The following RGMA variants were observed in gnomAD, a reference collection of about 807,000 sequenced individuals.
The protein encoded by RGMA is repulsive guidance molecule A.
A neutral mutation model predicts 23.2 loss-of-function variants in RGMA; 10 were observed. The ratio of observed to expected loss-of-function variants is 0.43; its 90% CI spans 0.27 to 0.73. The LOEUF is 0.73. Among genes scored for constraint, RGMA ranks in the 30% least tolerant of loss-of-function variants. RGMA has a pLI of 0.20. For missense variants in RGMA, 547 were observed against 630.5 expected, an observed-to-expected ratio of 0.87 and a Z score of 1.42; for synonymous variants, 308 against 279.3, an observed-to-expected ratio of 1.10 and a Z score of -1.03.
At chr15:93,064,623 G>A (rs1895080569) in intron 2 of RGMA, among the ~76,000 whole-genome samples, 1 of 152,262 alleles carries the variant, frequency 6.6e-6, no homozygotes, top group Non-Finnish European at 1.5e-5. Flanking sequence ...GGGAGCAACT[G>A]GGCTTCCTTC....
At position 93,042,363 on chromosome 15, in the gene RGMA, C is replaced by G. The variant is rs2141782073; in HGVS notation, c.*2635G>C. 6.6e-6 allele frequency: 1 copy of G among 152,208 alleles called. No homozygotes were observed. Among genetic ancestry groups the G allele is most frequent in the African/African-American group, 2.4e-5 (1 of 41,492 alleles). The allele number at this position is 152,208 out of a possible 1,614,324, so 9.4% of individuals were successfully genotyped here. On this transcript the variant is annotated 3_prime_UTR_variant, in exon 4 of 4. Coordinates refer to ENST00000329082, the MANE Select transcript of RGMA (RefSeq NM_020211.3). Reference sequence around the variant, plus strand: ...TTTGGGATAATACCACCCCCTCCCTCCCCACGACCAGACAAGCCATGTGTG... The same window carrying G: ...TTTGGGATAATACCACCCCCTCCCTGCCCACGACCAGACAAGCCATGTGTG...
chr15:93,054,573 T>C (rs2054982713), intron 2 of RGMA, among the ~76,000 whole-genome samples: 1 of 152,226 alleles, frequency 6.6e-6, no homozygotes, highest in Non-Finnish European at 1.5e-5. Context: ...GTGCCTTTGC[T>C]TCTCCTTTGC....
At chr15:93,075,102 T>G (rs1241648198) in intron 1 of RGMA, among the ~76,000 whole-genome samples, 1 of 151,812 alleles carries the variant, frequency 6.6e-6, no homozygotes, top group African/African-American at 2.4e-5. Flanking sequence ...GGACTTTTTT[T>G]TTTTTTTTCA....
At chr15:93,047,071 TCA>T (rs753366488) in intron 3 of RGMA, among the ~76,000 whole-genome samples, 10 of 152,126 alleles carry the variant, frequency 6.6e-5, no homozygotes, top group Non-Finnish European at 1.2e-4. Flanking sequence ...TTGCCTAAGG[TCA>T]CACAGCCAGC....
At position 93,036,118 on chromosome 15, in the gene RGMA, C is replaced by G. The variant is rs774914960; in HGVS notation, c.*8880G>C. The G allele has an allele frequency of 2.0e-5, 3 of 152,258 alleles. No homozygotes were observed. Among genetic ancestry groups the G allele is most frequent in the African/African-American group, 7.2e-5 (3 of 41,446 alleles). The allele number at this position is 152,258 out of a possible 1,614,324, so 9.4% of individuals were successfully genotyped here. A position where few individuals can be genotyped will look rare whatever the true frequency, so the allele number is the denominator to read the frequency against. ...CATGTGACTCGGTTAGTGTCTGTCT[C>G]TCACCACTAGAGGTCAGTCCCGTGA... is the stretch of plus-strand genomic sequence containing the variant. On this transcript the variant is annotated 3_prime_UTR_variant, in exon 4 of 4. Transcript: ENST00000329082.
At chr15:93,064,927 G>A (rs970687706) in intron 2 of RGMA, among the ~76,000 whole-genome samples, 1 of 151,930 alleles carries the variant, frequency 6.6e-6, no homozygotes, top group Non-Finnish European at 1.5e-5. Flanking sequence ...TTCTTGTTCC[G>A]CATCTCAAGC....
rs1037578804 is a variant in RGMA at position 93,088,617 on chromosome 15, A to T, written c.14+302T>A. On this transcript the variant is annotated intron_variant, in intron 1 of 3. Transcript: ENST00000329082. ...GGGCTCCGCGAGCCGGGCTGAGGGA[A>T]GGAGCTCCCAGCCCGCACACGGTGT... 229 of 1,000,138 alleles carry T rather than the reference A, an allele frequency of 2.3e-4. 2 individuals are homozygous for T. Among genetic ancestry groups the T allele is most frequent in the Admixed American group, 5.3e-5 (1 of 18,820 alleles). 62.0% of individuals were successfully genotyped at this position (1,000,138 alleles called of 1,614,324 possible).
At chr15:93,057,572 T>C (rs919667999) in intron 2 of RGMA, among the ~76,000 whole-genome samples, 1 of 152,136 alleles carries the variant, frequency 6.6e-6, no homozygotes, top group Non-Finnish European at 1.5e-5. Context: ...CGTCTGTTGC[T>C]TAAGCCTCCT....
intron 1 of RGMA, chr15:93,073,591 T>C (rs1895412915): frequency 2.6e-6 from 4 of 1,535,812 alleles, no homozygotes; most frequent in Non-Finnish European, 3.5e-6. Context: ...GACCCCAAGC[T>C]TCCACCGACG....
intron 2 of RGMA, among the ~76,000 whole-genome samples, chr15:93,055,813 C>T (rs2055004603): frequency 1.3e-5 from 2 of 152,200 alleles, no homozygotes; most frequent in Admixed American, 6.5e-5. Flanking sequence ...GTGGCTCTAC[C>T]CTCCAAATGG....
rs930232732 is a variant in RGMA, at chr15:93,041,004, G to C, written c.*3994C>G. On this transcript the variant is annotated 3_prime_UTR_variant, in exon 4 of 4. Coordinates refer to ENST00000329082, the MANE Select transcript of RGMA (RefSeq NM_020211.3). ...ACACAGCTCGCGACGGGTTGAGCCA[G>C]TTTTGACGCCAAGTTTGCCTGCAGC... 1 of 152,212 alleles carries C rather than the reference G, an allele frequency of 6.6e-6. No homozygotes were observed. The highest frequency in any genetic ancestry group is 2.4e-5 in the African/African-American group (1 of 41,426). The allele number at this position is 152,212 out of a possible 1,614,324, so 9.4% of individuals were successfully genotyped here. A position where few individuals can be genotyped will look rare whatever the true frequency, so the allele number is the denominator to read the frequency against.
intron 2 of RGMA, among the ~76,000 whole-genome samples, chr15:93,069,926 C>T (rs1341537080): frequency 6.6e-6 from 1 of 152,222 alleles, no homozygotes; most frequent in Non-Finnish European, 1.5e-5. Context: ...GTTTAAAAAG[C>T]CATCTATTAG....
chr15:93,051,980 C>G lies in RGMA; in HGVS notation c.645+13G>C. On this transcript the variant is annotated intron_variant, in intron 3 of 3. Transcript: ENST00000329082. ...GGCAGGGCTGTGCCCTACAGCCGCCCCCTCCCCCTTACCTTGCTGGTGGCA... is the reference window on the plus strand; with the variant it reads ...GGCAGGGCTGTGCCCTACAGCCGCCGCCTCCCCCTTACCTTGCTGGTGGCA... 1 of 1,583,246 alleles carries G rather than the reference C, an allele frequency of 6.3e-7. No individual in the cohort carries two copies. Among genetic ancestry groups the G allele is most frequent in the Non-Finnish European group, 8.6e-7 (1 of 1,166,904 alleles).
intron 2 of RGMA, among the ~76,000 whole-genome samples, chr15:93,058,686 C>G (rs1410242941): frequency 6.6e-6 from 1 of 152,108 alleles, no homozygotes; most frequent in East Asian, 1.9e-4. Context: ...CCACCCCACC[C>G]TCAGGTACCC....
chr15:93,077,472 C>T (rs1417231155), intron 1 of RGMA, among the ~76,000 whole-genome samples: 1 of 152,228 alleles, frequency 6.6e-6, no homozygotes, highest in East Asian at 1.9e-4. Flanking sequence ...AGACCCAGGT[C>T]TGTCAGTTTC....
chr15:93,044,759 G>A lies in RGMA; in HGVS notation c.*239C>T. On this transcript the variant is annotated 3_prime_UTR_variant, in exon 4 of 4. Transcript: ENST00000329082. ...TCACACTGCAGGGGCGGGGCGAGGG[G>A]AGCTGCTCTCCCTCTCACACAGCTC... is the stretch of plus-strand genomic sequence containing the variant. The A allele has an allele frequency of 1.7e-6, 1 of 572,648 alleles. No homozygotes were observed. The highest frequency in any genetic ancestry group is 2.9e-5 in the East Asian group (1 of 34,762). The allele number at this position is 572,648 out of a possible 1,614,324, so 35.5% of individuals were successfully genotyped here.
rs1055843462 is a variant in RGMA at position 93,088,922 on chromosome 15, G to A, written c.11C>T (p.Pro4Leu). 1.4e-6 allele frequency: 2 copies of A among 1,462,894 alleles called. No individual in the cohort carries two copies. The highest frequency in any genetic ancestry group is 1.3e-5 in the South Asian group (1 of 75,952). 90.6% of individuals were successfully genotyped at this position (1,462,894 alleles called of 1,614,324 possible). A position where few individuals can be genotyped will look rare whatever the true frequency, so the allele number is the denominator to read the frequency against. MQP[P>L]RERLVVTGRA... ...CCGGCTCCCGACCCGCGCTTACCTT[G>A]GCGGCTGCATGAGCCCCTGCGGCCC... The change falls in exon 1 of 4, where the codon CCA (proline) becomes CTA (leucine). Residue 4 changes from proline (P) to leucine (L), a missense_variant. Pro to Leu is a moderately conservative substitution (Grantham distance 98). Around this residue, in one of 3 missense-constraint regions of RGMA, gnomAD observed 214 missense variants for 234.7 expected, o/e 0.91. Coordinates refer to ENST00000329082, the MANE Select transcript of RGMA (RefSeq NM_020211.3).
chr15:93,068,617 A>G lies in RGMA; in HGVS notation c.130+4299T>C, dbSNP rs558379532. 3.9e-5 allele frequency among the ~76,000 whole-genome samples: 6 copies of G among 152,308 alleles called. No individual in the cohort carries two copies. In the East Asian group the frequency reaches 1.2e-3, roughly 29 times the overall value. ...CAGGGCCTAGTGGCTGGCCATCTGT[A>G]GAGTTTTATGTGCGTGCTCTCCCTG... On this transcript the variant is annotated intron_variant, in intron 2 of 3. Transcript: ENST00000329082.
At chr15:93,051,678 G>A (rs892439682) in intron 3 of RGMA, among the ~76,000 whole-genome samples, 1 of 152,180 alleles carries the variant, frequency 6.6e-6, no homozygotes, top group Non-Finnish European at 1.5e-5. Context: ...GGAGTCACCC[G>A]GGCCTGGGGC....
Sources: gnomAD v4.1 joint callset for allele counts (sites outside exome capture counted in the v4.1 genomes callset) on GRCh38, gnomAD v4.1.1 for gene constraint, gnomAD v4.1.1 regional missense constraint, MANE v1.5 for transcripts, NCBI Gene and HGNC (gene_info 2026-07-23, HGNC 2026-07-21) for gene names.